The following SPATA31E1 variants were observed in gnomAD, a reference collection of about 807,000 sequenced individuals.
SPATA31E1 encodes SPATA31 subfamily E member 1, also known as spermatogenesis-associated protein 31E1.
SPATA31E1 carries 7 observed loss-of-function variants against 12.9 expected under a neutral mutation model. The observed-to-expected ratio is 0.54, with a 90% confidence interval of 0.31 to 1.02. The LOEUF (loss-of-function observed/expected upper bound fraction) is 1.02, where lower values mean the gene tolerates loss of function less well. Ranked by LOEUF, SPATA31E1 falls within the 50% of genes least tolerant of loss-of-function variation. The probability of loss-of-function intolerance (pLI) is 0.05; values close to 1 mark genes in which losing one functional copy is unlikely to be tolerated. For synonymous variants in SPATA31E1, 771 were observed against 719.0 expected, an observed-to-expected ratio of 1.07 and a Z score of -1.16; for missense variants, 1,961 against 1,799.8, an observed-to-expected ratio of 1.09 and a Z score of -1.62.
In SPATA31E1 at chr9:87,886,966, C is replaced by T; in HGVS notation, c.2479C>T (p.Leu827Phe). The T allele has an allele frequency of 6.2e-7, 1 of 1,614,106 alleles. No homozygotes were observed. Among genetic ancestry groups the T allele is most frequent in the Non-Finnish European group, 8.5e-7 (1 of 1,180,016 alleles). Reference sequence around the variant, plus strand: ...GAACACCTCCCAGGAGCTTTCCTTCCTCCATCCCTGCACCCAGCAGATACT... The same window carrying T: ...GAACACCTCCCAGGAGCTTTCCTTCTTCCATCCCTGCACCCAGCAGATACT... ...HVNTSQELSF[L>F]HPCTQQILEV... is the part of the protein sequence containing the mutation. The change falls in exon 4 of 4, where the codon CTC (leucine) becomes TTC (phenylalanine). Residue 827 changes from leucine to phenylalanine, a missense_variant. Coordinates refer to ENST00000325643, the MANE Select transcript of SPATA31E1 (RefSeq NM_178828.5).
rs536539069 is a variant in SPATA31E1 at position 87,887,983 on chromosome 9, G to T, written c.3496G>T (p.Gly1166Trp). 2.3e-4 allele frequency: 369 copies of T among 1,613,762 alleles called. 4 individuals carry two copies. In the South Asian group the frequency reaches 3.3e-3, roughly 14 times the overall value. ...VSGKNMTASQ[G>W]PCALLWKGGD... The stretch of plus-strand genomic sequence containing the variant: ...TGGTAAGAACATGACAGCTTCCCAG[G>T]GGCCATGTGCCCTCCTATGGAAGGG... The change falls in exon 4 of 4, where the codon GGG becomes TGG. Residue 1166 changes from glycine (G) to tryptophan (W), a missense_variant. Physicochemically the swap from Gly to Trp is radical, Grantham distance 184. Transcript: ENST00000325643.
rs1186033395 is a variant in SPATA31E1 at position 87,886,258 on chromosome 9, GTTCT to G, written c.1772_1775del (p.Val591GlyfsTer117). On this transcript the variant is annotated frameshift_variant, in exon 4 of 4. Transcript: ENST00000325643. LOFTEE classifies it low-confidence loss of function (END_TRUNC). ...CTCTCTCCTCAAAAAGTCTCAGGCT[GTTCT>G]GAGCCAGCCCACTGCCCACCTTCCC... is the stretch of plus-strand genomic sequence containing the variant. The G allele has an allele frequency of 2.5e-6, 4 of 1,613,794 alleles. No homozygotes were observed. The highest frequency in any genetic ancestry group is 3.4e-6 in the Non-Finnish European group (4 of 1,180,022).
rs1828245221 is a variant in SPATA31E1 at position 87,885,239 on chromosome 9, C to T, written c.752C>T (p.Pro251Leu). ...CCTCCTTCACCACAGCCGCATGGTC[C>T]CCTGGCCTCCTCTCCACCTCCACCC... ...VFPPSPQPHG[P>L]LASSPPPPDS... The change falls in exon 4 of 4, where the codon CCC becomes CTC. Residue 251 changes from proline to leucine, a missense_variant. Coordinates refer to ENST00000325643, the MANE Select transcript of SPATA31E1 (RefSeq NM_178828.5). 1 of 1,614,010 alleles carries T rather than the reference C, an allele frequency of 6.2e-7. No individual in the cohort carries two copies. Among genetic ancestry groups the T allele is most frequent in the Admixed American group, 1.7e-5 (1 of 60,008 alleles).
Position 87,888,297 on chromosome 9 carries a change from T to A in SPATA31E1, c.3810T>A (p.His1270Gln), listed in dbSNP as rs1828325170. 6.2e-7 allele frequency: 1 copy of A among 1,613,966 alleles called. No individual in the cohort carries two copies. ...ESHFQRKISH[H>Q]PQGLHPRKGG... The stretch of plus-strand genomic sequence containing the variant: ...ACTTCCAGAGAAAGATCAGTCACCA[T>A]CCACAGGGTCTACACCCCAGGAAAG... The change falls in exon 4 of 4, where the codon CAT (histidine) becomes CAA (glutamine). Residue 1270 changes from histidine to glutamine, a missense_variant. Coordinates refer to ENST00000325643, the MANE Select transcript of SPATA31E1 (RefSeq NM_178828.5).
At position 87,885,241 on chromosome 9, in the gene SPATA31E1, C is replaced by G; in HGVS notation, c.754C>G (p.Leu252Val). ...FPPSPQPHGP[L>V]ASSPPPPDSS... The stretch of plus-strand genomic sequence containing the variant: ...TCCTTCACCACAGCCGCATGGTCCC[C>G]TGGCCTCCTCTCCACCTCCACCCGA... The change falls in exon 4 of 4, where the codon CTG (leucine) becomes GTG (valine). Residue 252 changes from leucine (L) to valine (V), a missense_variant. Transcript: ENST00000325643. 6.2e-7 allele frequency: 1 copy of G among 1,614,130 alleles called. No homozygotes were observed. Among genetic ancestry groups the G allele is most frequent in the Non-Finnish European group, 8.5e-7 (1 of 1,180,024 alleles).
chr9:87,883,875 G>A, intron 1 of SPATA31E1, 117 bp from the exon 2 acceptor site: 2 of 1,102,790 alleles, frequency 1.8e-6, no homozygotes, highest in South Asian at 3.0e-5. Flanking sequence ...CACACACAGA[G>A]CTCCCTGAGC....
At position 87,884,912 on chromosome 9, in the gene SPATA31E1, G is replaced by A; in HGVS notation, c.426-1G>A. 1.2e-6 allele frequency: 2 copies of A among 1,601,968 alleles called. No homozygotes were observed. The highest frequency in any genetic ancestry group is 1.7e-6 in the Non-Finnish European group (2 of 1,172,172). Reference sequence around the variant, plus strand: ...CAGCTTGTGCCTCTTGTCTCCTGCAGCCACCTGAGGAAGCTCGCTGGCGAA... The same window carrying A: ...CAGCTTGTGCCTCTTGTCTCCTGCAACCACCTGAGGAAGCTCGCTGGCGAA... On this transcript the variant is annotated splice_acceptor_variant, in intron 3 of 3. Transcript: ENST00000325643. LOFTEE classifies it high-confidence loss of function.
In SPATA31E1 at chr9:87,885,817, C is replaced by T. The variant is rs375499971; in HGVS notation, c.1330C>T (p.Pro444Ser). 2.5e-6 allele frequency: 4 copies of T among 1,613,922 alleles called. No homozygotes were observed. The highest frequency in any genetic ancestry group is 3.4e-6 in the Non-Finnish European group (4 of 1,180,026). Residue 444 changes from proline to serine, a missense_variant, in exon 4 of 4, where the codon CCC becomes TCC. By Grantham distance (74) the Pro-to-Ser change is moderately conservative (BLOSUM62 -1). Transcript: ENST00000325643. ...QKRSQLFWDL[P>S]SLNSESLATT... ...ACGCAGCCAGCTTTTCTGGGACCTC[C>T]CCTCTCTCAATAGCGAGTCCCTGGC... is the stretch of plus-strand genomic sequence containing the variant.
In SPATA31E1 at chr9:87,887,011, T is replaced by C. The variant is rs1828290842; in HGVS notation, c.2524T>C (p.Phe842Leu). 6.2e-7 allele frequency: 1 copy of C among 1,613,882 alleles called. No individual in the cohort carries two copies. Among genetic ancestry groups the C allele is most frequent in the African/African-American group, 1.3e-5 (1 of 74,910 alleles). The change falls in exon 4 of 4, where the codon TTC becomes CTC. Residue 842 changes from phenylalanine (F) to leucine (L), a missense_variant. By Grantham distance (22) the Phe-to-Leu change is conservative. Coordinates refer to ENST00000325643, the MANE Select transcript of SPATA31E1 (RefSeq NM_178828.5). ...GATACTGGAAGTACATCTTGTAAGG[T>C]TCTGTGTGAGGCACAGCTGGGGTAC... Reference protein sequence around the residue: ...QQILEVHLVRFCVRHSWGTDL... With the variant: ...QQILEVHLVRLCVRHSWGTDL...
chr9:87,888,706 AG>A lies in SPATA31E1; in HGVS notation c.4222del (p.Glu1408SerfsTer29). 6.2e-7 allele frequency: 1 copy of A among 1,613,936 alleles called. No individual in the cohort carries two copies. The highest frequency in any genetic ancestry group is 1.3e-5 in the African/African-American group (1 of 75,040). ...DRDSSWAPPPREPVSPAGPHH... is the reference protein window; with the variant it reads ...DRDSSWAPPPXEPVSPAGPHH... ...AGACAGCAGTTGGGCCCCACCTCCC[AG>A]GGAGCCTGTGTCCCCAGCTGGTCCC... On this transcript the variant is annotated frameshift_variant, in exon 4 of 4. Transcript: ENST00000325643. LOFTEE classifies it low-confidence loss of function (END_TRUNC).
chr9:87,884,063 C>A lies in SPATA31E1; in HGVS notation c.364+17C>A, dbSNP rs765625551. 2 of 1,584,462 alleles carry A rather than the reference C, an allele frequency of 1.3e-6. No homozygotes were observed. Among genetic ancestry groups the A allele is most frequent in the Admixed American group, 3.5e-5 (2 of 57,260 alleles). ...CTCTGAAAGGTGAGGCTCTGCTGCC[C>A]CCCGGGACTCCCCAGAGGTAACTGA... On this transcript the variant is annotated intron_variant, in intron 2 of 3. Transcript: ENST00000325643.
At position 87,888,539 on chromosome 9, in the gene SPATA31E1, C is replaced by T. The variant is rs1828331318; in HGVS notation, c.4052C>T (p.Ala1351Val). 6.2e-7 allele frequency: 1 copy of T among 1,614,146 alleles called. No homozygotes were observed. Among genetic ancestry groups the T allele is most frequent in the Non-Finnish European group, 8.5e-7 (1 of 1,180,042 alleles). ...AATCGCCACAAAGGTGACTTCCGCG[C>T]CCAGGAGAATGTGCCTTCCTGCTGC... ...EVNRHKGDFR[A>V]QENVPSCCHR... The change falls in exon 4 of 4, where the codon GCC becomes GTC. Residue 1351 changes from alanine to valine, a missense_variant. Coordinates refer to ENST00000325643, the MANE Select transcript of SPATA31E1 (RefSeq NM_178828.5).
chr9:87,885,056 C>G lies in SPATA31E1; in HGVS notation c.569C>G (p.Ser190Cys), dbSNP rs756036352. The change falls in exon 4 of 4, where the codon TCC (serine) becomes TGC (cysteine). Residue 190 changes from serine to cysteine, a missense_variant. Ser to Cys is a moderately radical substitution (Grantham distance 112). Coordinates refer to ENST00000325643, the MANE Select transcript of SPATA31E1 (RefSeq NM_178828.5). ...CMQDPSPASL[S>C]PPAPPAPLAS... The stretch of plus-strand genomic sequence containing the variant: ...CAAGATCCGTCTCCTGCCAGCTTGT[C>G]CCCACCAGCTCCCCCAGCTCCTCTG... The G allele has an allele frequency of 1.2e-6, 2 of 1,614,034 alleles. No homozygotes were observed. Among genetic ancestry groups the G allele is most frequent in the African/African-American group, 2.7e-5 (2 of 74,912 alleles).
In SPATA31E1 at chr9:87,885,538, G is replaced by A. The variant is rs377225745; in HGVS notation, c.1051G>A (p.Val351Ile). The A allele has an allele frequency of 1.5e-5, 24 of 1,614,188 alleles. No homozygotes were observed. In the South Asian group the frequency reaches 2.3e-4, roughly 16 times the overall value. Residue 351 changes from valine (V) to isoleucine (I), a missense_variant, in exon 4 of 4, where the codon GTA (valine) becomes ATA (isoleucine). Coordinates refer to ENST00000325643, the MANE Select transcript of SPATA31E1 (RefSeq NM_178828.5). ...AGACCCCACACCCAAGCACATGGAG[G>A]TAGGTGGCTGCACATTCATCCACCC... ...WGDPTPKHME[V>I]GGCTFIHPDV...
rs1256913182 is a variant in SPATA31E1, at chr9:87,883,972, C to T, written c.310-20C>T. The T allele has an allele frequency of 6.2e-6, 10 of 1,600,150 alleles. No homozygotes were observed. The highest frequency in any genetic ancestry group is 8.5e-6 in the Non-Finnish European group (10 of 1,172,180). ...AGACTGAGAACTGGTCCCAGCCCCTCATCCTTTCTTGCCTCTCAGCCTCAA... is the reference window on the plus strand; with the variant it reads ...AGACTGAGAACTGGTCCCAGCCCCTTATCCTTTCTTGCCTCTCAGCCTCAA... On this transcript the variant is annotated intron_variant, in intron 1 of 3. Coordinates refer to ENST00000325643, the MANE Select transcript of SPATA31E1 (RefSeq NM_178828.5).
At position 87,887,180 on chromosome 9, in the gene SPATA31E1, G is replaced by C; in HGVS notation, c.2693G>C (p.Arg898Pro). The C allele has an allele frequency of 6.2e-7, 1 of 1,614,044 alleles. No individual in the cohort carries two copies. The highest frequency in any genetic ancestry group is 8.5e-7 in the Non-Finnish European group (1 of 1,180,032). ...AAGGTTCCCATTTTCCTGGGAAAAC[G>C]TCCTCAGAATGGTCCAGGAGACAAC... ...VPKVPIFLGK[R>P]PQNGPGDNRT... Residue 898 changes from arginine (R) to proline (P), a missense_variant, in exon 4 of 4, where the codon CGT becomes CCT. Physicochemically the swap from Arg to Pro is moderately radical, Grantham distance 103. Coordinates refer to ENST00000325643, the MANE Select transcript of SPATA31E1 (RefSeq NM_178828.5).
Position 87,887,885 on chromosome 9 carries a change from G to A in SPATA31E1, c.3398G>A (p.Arg1133His), listed in dbSNP as rs531419008. 20 of 1,613,824 alleles carry A rather than the reference G, an allele frequency of 1.2e-5. No individual in the cohort carries two copies. Among genetic ancestry groups the A allele is most frequent in the African/African-American group, 8.0e-5 (6 of 75,066 alleles). The change falls in exon 4 of 4, where the codon CGC becomes CAC. Residue 1133 changes from arginine to histidine, a missense_variant. Physicochemically the swap from Arg to His is conservative, Grantham distance 29 (BLOSUM62 0). Transcript: ENST00000325643. ...GCCACAGGCCTGTGCCTTCCAGGCC[G>A]CCACATGGACATGCTCACTGCCGCA... The part of the protein sequence containing the change: ...DGATGLCLPG[R>H]HMDMLTAADR...
At position 87,883,172 on chromosome 9, in the gene SPATA31E1, C is replaced by G. The variant is rs371936295; in HGVS notation, c.281C>G (p.Pro94Arg). 4 of 1,583,158 alleles carry G rather than the reference C, an allele frequency of 2.5e-6. No individual in the cohort carries two copies. Among genetic ancestry groups the G allele is most frequent in the South Asian group, 1.1e-5 (1 of 87,446 alleles). Residue 94 changes from proline (P) to arginine (R), a missense_variant, in exon 1 of 4, where the codon CCG (proline) becomes CGG (arginine). Transcript: ENST00000325643. Reference protein sequence around the residue: ...LYVHSDPPSPPPGRKRSSREP... With the variant: ...LYVHSDPPSPRPGRKRSSREP... ...GTCCACAGTGACCCACCCTCACCCC[C>G]GCCCGGGAGGAAGAGGAGCAGCAGG...
In SPATA31E1 at chr9:87,887,614, C is replaced by A. The variant is rs1232083010; in HGVS notation, c.3127C>A (p.Pro1043Thr). ...LQALKVGEKP[P>T]TWEVTLGASV... ...GGCACTGAAAGTGGGGGAGAAGCCC[C>A]CAACTTGGGAAGTCACCTTGGGAGC... The change falls in exon 4 of 4, where the codon CCA becomes ACA. Residue 1043 changes from proline to threonine, a missense_variant. Transcript: ENST00000325643. 1.9e-6 allele frequency: 3 copies of A among 1,614,012 alleles called. No homozygotes were observed. The highest frequency in any genetic ancestry group is 2.5e-6 in the Non-Finnish European group (3 of 1,180,010).
Sources: gnomAD v4.1 joint callset for allele counts on GRCh38, gnomAD v4.1.1 for gene constraint, MANE v1.5 for transcripts, NCBI Gene and HGNC (gene_info 2026-07-23, HGNC 2026-07-21) for gene names.